The following UBE3C variants were observed in gnomAD, a reference collection of about 807,000 sequenced individuals.
UBE3C encodes ubiquitin-protein ligase E3C.
In UBE3C, 42 loss-of-function variants were observed where a neutral mutation model predicts 129.4. The ratio of observed to expected loss-of-function variants is 0.32; its 90% CI spans 0.25 to 0.42. The LOEUF (loss-of-function observed/expected upper bound fraction) is 0.42. UBE3C is among the 10% of genes least tolerant of loss of function. The pLI is 1.00. For synonymous variants in UBE3C, 510 were observed against 492.4 expected (o/e 1.04, Z -0.47); for missense variants, 1,049 against 1,319.1 (o/e 0.80, Z 3.17).
chr7:157,229,748 G>A (rs534100259), intron 17 of UBE3C, among the ~76,000 whole-genome samples: 44 of 152,082 alleles, frequency 2.9e-4, no homozygotes, highest in African/African-American at 1.0e-3. Context: ...TTGAGTAGCT[G>A]GAATTACAGG....
At chr7:157,215,976 C>G (rs1197727282) in intron 13 of UBE3C, among the ~76,000 whole-genome samples, 1 of 152,132 alleles carries the variant, frequency 6.6e-6, no homozygotes, top group Non-Finnish European at 1.5e-5. Flanking sequence ...GCACAACAAC[C>G]AGAGAGGAAC....
Position 157,253,988 on chromosome 7 carries a change from C to T in UBE3C, c.2729C>T (p.Pro910Leu). 1.3e-6 allele frequency: 2 copies of T among 1,599,904 alleles called. No individual in the cohort carries two copies. Among genetic ancestry groups the T allele is most frequent in the African/African-American group, 1.3e-5 (1 of 74,584 alleles). ...CTAAAATTCGGTGGGAAAGACATCCCTGTCACCAGCGCCAACCGGATTGCG... is the reference window on the plus strand; with the variant it reads ...CTAAAATTCGGTGGGAAAGACATCCTTGTCACCAGCGCCAACCGGATTGCG... ...VELKFGGKDIPVTSANRIAYI... is the reference protein window; with the variant it reads ...VELKFGGKDILVTSANRIAYI... The change falls in exon 20 of 23, where the codon CCT becomes CTT. Residue 910 changes from proline to leucine, a missense_variant. Physicochemically the swap from Pro to Leu is moderately conservative, Grantham distance 98. Coordinates refer to ENST00000348165, the MANE Select transcript of UBE3C (RefSeq NM_014671.3).
At chr7:157,262,076 C>T (rs1796930461) in intron 22 of UBE3C, among the ~76,000 whole-genome samples, 1 of 152,190 alleles carries the variant, frequency 6.6e-6, no homozygotes, top group East Asian at 1.9e-4. Context: ...TGCCAGCAGT[C>T]ACTGACCCCT....
At chr7:157,258,998 C>G (rs1796829138) in intron 22 of UBE3C, among the ~76,000 whole-genome samples, 1 of 152,186 alleles carries the variant, frequency 6.6e-6, no homozygotes, top group African/African-American at 2.4e-5. Flanking sequence ...CACATACTTC[C>G]TAAGAACAGA....
At chr7:157,171,950 A>T (rs1445919036) in intron 4 of UBE3C, among the ~76,000 whole-genome samples, 1 of 149,938 alleles carries the variant, frequency 6.7e-6, no homozygotes, top group Non-Finnish European at 1.5e-5. Flanking sequence ...CAGGTGATCC[A>T]CCTGCCTCGG....
intron 1 of UBE3C, among the ~76,000 whole-genome samples, chr7:157,141,461 G>T (rs1366409514): frequency 6.6e-6 from 1 of 152,136 alleles, no homozygotes; most frequent in African/African-American, 2.4e-5. Context: ...AGCCAGTGTT[G>T]CCCACTGCAC....
chr7:157,170,394 CT>C lies in UBE3C; in HGVS notation c.290del (p.Leu97TrpfsTer2). The C allele has an allele frequency of 1.3e-6, 2 of 1,575,376 alleles. No homozygotes were observed. The highest frequency in any genetic ancestry group is 2.4e-5 in the East Asian group (1 of 42,344). ...FPIANGPNLT[L>X]LVRQLLFFYK... is the part of the protein sequence containing the mutation. ...CATTGCTAATGGCCCCAACCTTACCCTTTTGGTAAGGCAGCTTCTGTTTTTT... is the reference window on the plus strand; with the variant it reads ...CATTGCTAATGGCCCCAACCTTACCCTTTGGTAAGGCAGCTTCTGTTTTTT... On this transcript the variant is annotated frameshift_variant, in exon 4 of 23. Transcript: ENST00000348165. LOFTEE classifies it high-confidence loss of function.
chr7:157,146,306 A>T (rs900576103), intron 1 of UBE3C, among the ~76,000 whole-genome samples: 1 of 152,044 alleles, frequency 6.6e-6, no homozygotes, highest in African/African-American at 2.4e-5. Flanking sequence ...CAGTGGCGCA[A>T]TCTCGGCTCA....
chr7:157,175,000 T>C lies in UBE3C; in HGVS notation c.424T>C (p.Phe142Leu), dbSNP rs769728213. 6.2e-7 allele frequency: 1 copy of C among 1,612,446 alleles called. No homozygotes were observed. Among genetic ancestry groups the C allele is most frequent in the Non-Finnish European group, 8.5e-7 (1 of 1,179,368 alleles). The change falls in exon 5 of 23, where the codon TTT becomes CTT. Residue 142 changes from phenylalanine to leucine, a missense_variant. Physicochemically the swap from Phe to Leu is conservative, Grantham distance 22. This residue lies in a region of UBE3C where 489 missense variants were observed against 513.8 expected (regional missense o/e 0.95). Coordinates refer to ENST00000348165, the MANE Select transcript of UBE3C (RefSeq NM_014671.3). ...TGGATCTGAGAGACTTACATGCTTA[T>C]TTCAGATAAAAAGATTGATGAGCCT... Reference protein sequence around the residue: ...LDGSERLTCLFQIKRLMSLCC... With the variant: ...LDGSERLTCLLQIKRLMSLCC...
chr7:157,198,896 C>T (rs1247504802), intron 10 of UBE3C, among the ~76,000 whole-genome samples: 7 of 152,148 alleles, frequency 4.6e-5, no homozygotes, highest in Non-Finnish European at 1.0e-4. Flanking sequence ...AGTAAATATT[C>T]TGTCAGGGTT....
intron 22 of UBE3C, among the ~76,000 whole-genome samples, chr7:157,262,478 G>A (rs979291511): frequency 8.6e-6 from 1 of 116,040 alleles, no homozygotes; most frequent in African/African-American, 3.3e-5. Context: ...GGAGTACAAT[G>A]GCCCATCTCA....
At chr7:157,226,460 C>T (rs1466391863) in intron 17 of UBE3C, among the ~76,000 whole-genome samples, 1 of 152,002 alleles carries the variant, frequency 6.6e-6, no homozygotes. Flanking sequence ...TTGGTCAATG[C>T]CGAGGGGATT....
chr7:157,211,191 A>AGAGAGAGAGAGAGAGAGC (rs1481725592), intron 13 of UBE3C, among the ~76,000 whole-genome samples: 7 of 151,586 alleles, frequency 4.6e-5, no homozygotes, highest in African/African-American at 1.5e-4. Flanking sequence ...AGAGAGAGAG[A>AGAGAGAGAGAGAGAGAGC]GAGCCATACT....
In UBE3C at chr7:157,207,889, A is replaced by AACAATGCAT; in HGVS notation, c.1767_1775dup (p.Cys590_Gln592dup). On this transcript the variant is annotated inframe_insertion, in exon 13 of 23. Coordinates refer to ENST00000348165, the MANE Select transcript of UBE3C (RefSeq NM_014671.3). ...GGAGTTACTACTAGCTCTGAAATGCAACAATGCATACAGATGGAACAGAAA... is the reference window on the plus strand; with the variant it reads ...GGAGTTACTACTAGCTCTGAAATGCAACAATGCATACAATGCATACAGATGGAACAGAAA... The AACAATGCAT allele has an allele frequency of 6.2e-7, 1 of 1,612,574 alleles. No homozygotes were observed.
chr7:157,196,797 C>T (rs1356525269), intron 10 of UBE3C, among the ~76,000 whole-genome samples: 5 of 152,068 alleles, frequency 3.3e-5, no homozygotes, highest in Admixed American at 6.6e-5. Context: ...GGAGAAACCC[C>T]GTCTCTACTA....
Position 157,242,493 on chromosome 7 carries a change from C to T in UBE3C, c.2482-5875C>T, listed in dbSNP as rs1380735468. Among the ~76,000 whole-genome samples the T allele has an allele frequency of 1.0e-4, 15 of 142,948 alleles. No individual in the cohort carries two copies. In the Admixed American group the frequency reaches 1.1e-3, roughly 10 times the overall value. 93.8% of individuals were successfully genotyped at this position (142,948 alleles called of 152,430 possible). On this transcript the variant is annotated intron_variant, in intron 18 of 22. Coordinates refer to ENST00000348165, the MANE Select transcript of UBE3C (RefSeq NM_014671.3). The stretch of plus-strand genomic sequence containing the variant: ...AAATAGTTCTTGGTTATGTGGGGTA[C>T]CTTGAGACTGAGCCTGAGTTGTTTT...
chr7:157,170,096 AGGCATGAG>A (rs11278310), intron 3 of UBE3C, among the ~76,000 whole-genome samples, 200 bp from the exon 4 acceptor site: 70,696 of 149,304 alleles, frequency 0.47, 19,192 homozygotes, highest in African/African-American at 0.76. Flanking sequence ...CTGGGATTAA[AGGCATGAG>A]CCACCATGCC....
chr7:157,158,763 CG>C (rs1807986576), intron 1 of UBE3C, among the ~76,000 whole-genome samples: 4 of 152,062 alleles, frequency 2.6e-5, no homozygotes, highest in Admixed American at 6.5e-5. Context: ...CCCATGGGGA[CG>C]TTTTTTTTCT....
chr7:157,172,880 G>A (rs960734593), intron 4 of UBE3C, among the ~76,000 whole-genome samples: 8 of 152,202 alleles, frequency 5.3e-5, no homozygotes, highest in Admixed American at 2.0e-4. Flanking sequence ...TTGCCTTTGA[G>A]TGAGGTCCTC....
Sources: allele counts gnomAD v4.1 joint callset (sites outside exome capture counted in the v4.1 genomes callset), GRCh38; gene constraint gnomAD v4.1.1; regional missense constraint gnomAD v4.1.1; transcripts MANE v1.5; gene names NCBI Gene and HGNC (gene_info 2026-07-23, HGNC 2026-07-21).